The following LRRC39 variants were observed in gnomAD, a reference collection of about 807,000 sequenced individuals.
LRRC39 encodes the protein leucine-rich repeat-containing protein 39.
A neutral mutation model predicts 39.7 loss-of-function variants in LRRC39; 35 were observed. The observed-to-expected ratio is 0.88, with a 90% confidence interval of 0.67 to 1.17. The LOEUF is 1.17. LRRC39 is among the 50% of genes most tolerant of loss of function. The probability of loss-of-function intolerance (pLI) is 0.00; values close to 1 mark genes in which losing one functional copy is unlikely to be tolerated. For missense variants in LRRC39, 357 were observed against 385.8 expected (o/e 0.93, Z 0.62); for synonymous variants, 113 against 134.1 (o/e 0.84, Z 1.09).
chr1:100,163,031 A>T (rs1343660324), intron 3 of LRRC39, among the ~76,000 whole-genome samples: 1 of 152,196 alleles, frequency 6.6e-6, no homozygotes, highest in African/African-American at 2.4e-5. Context: ...TCACTTGCCT[A>T]AAATTTAATC....
chr1:100,152,687 T>C (rs1658142106), intron 8 of LRRC39, among the ~76,000 whole-genome samples, 163 bp from the exon 9 acceptor site: 1 of 152,176 alleles, frequency 6.6e-6, no homozygotes, highest in Non-Finnish European at 1.5e-5. Context: ...AATCTTATGT[T>C]TTTTTCCTAA....
chr1:100,176,770 G>C (rs921909005), intron 1 of LRRC39, among the ~76,000 whole-genome samples: 1 of 152,156 alleles, frequency 6.6e-6, no homozygotes, highest in South Asian at 2.1e-4. Flanking sequence ...AAATTACATA[G>C]TAAAGTCTAT....
At chr1:100,173,960 A>G (rs1043755288) in intron 1 of LRRC39, among the ~76,000 whole-genome samples, 10 of 152,340 alleles carry the variant, frequency 6.6e-5, no homozygotes, top group African/African-American at 2.4e-4. Context: ...AGAGATATAC[A>G]TCATATTCAT....
intron 3 of LRRC39, among the ~76,000 whole-genome samples, chr1:100,161,727 G>C (rs1175153047): frequency 1.3e-5 from 2 of 152,108 alleles, no homozygotes; most frequent in Non-Finnish European, 2.9e-5. Flanking sequence ...GCTCACTGCA[G>C]CTTCAACCTC....
intron 2 of LRRC39, among the ~76,000 whole-genome samples, 159 bp downstream of exon 2, chr1:100,173,172 G>A (rs937426934): frequency 4.0e-5 from 6 of 151,632 alleles, no homozygotes; most frequent in South Asian, 2.1e-4. Flanking sequence ...CCCAAGAGGC[G>A]GAGGTTGCAG....
rs763856137 is a variant in LRRC39 at position 100,155,141 on chromosome 1, ATTGT to A, written c.718_721del (p.Thr240SerfsTer4). The A allele has an allele frequency of 1.2e-5, 19 of 1,610,312 alleles. No individual in the cohort carries two copies. In the African/African-American group the frequency reaches 1.3e-4, roughly 11 times the overall value. On this transcript the variant is annotated frameshift_variant, in exon 8 of 10. Transcript: ENST00000370137. LOFTEE classifies it high-confidence loss of function. ...AGTACCCAGATTTTTCATATTGCTG[ATTGT>A]TTGAGGCAAGCATGTTATTTCATTT...
chr1:100,158,849 G>A (rs1413565661), intron 5 of LRRC39, among the ~76,000 whole-genome samples: 1 of 148,870 alleles, frequency 6.7e-6, no homozygotes, highest in African/African-American at 2.5e-5. Context: ...GTTTATCCGT[G>A]CAATAGGAAA....
intron 1 of LRRC39, among the ~76,000 whole-genome samples, chr1:100,175,711 T>C (rs1659912488): frequency 1.3e-5 from 2 of 152,026 alleles, no homozygotes; most frequent in Admixed American, 6.6e-5. Flanking sequence ...GAAAATACAA[T>C]TGAACAGGAA....
intron 3 of LRRC39, among the ~76,000 whole-genome samples, chr1:100,166,885 C>T (rs1001930181): frequency 4.6e-5 from 7 of 152,118 alleles, no homozygotes; most frequent in African/African-American, 7.2e-5. Flanking sequence ...GTAAGATGTC[C>T]GTTTGCTCTT....
chr1:100,159,292 GA>G lies in LRRC39; in HGVS notation c.342del (p.Arg115GlufsTer20). On this transcript the variant is annotated frameshift_variant, in exon 5 of 10. Coordinates refer to ENST00000370137, the MANE Select transcript of LRRC39 (RefSeq NM_144620.4). LOFTEE classifies it high-confidence loss of function. ...RFQNLIVLDLSRNTISEIPPG... is the reference protein window; with the variant it reads ...RFQNLIVLDLXRNTISEIPPG... ...GGTGGTATCTCTGAAATTGTGTTTC[GA>G]GATAAATCTAACACAATGAGGTTCT... 6.2e-7 allele frequency: 1 copy of G among 1,605,940 alleles called. No homozygotes were observed. The highest frequency in any genetic ancestry group is 8.5e-7 in the Non-Finnish European group (1 of 1,176,352).
At chr1:100,178,822 A>G (rs1015689664), upstream of LRRC39, among the ~76,000 whole-genome samples, 3 of 152,066 alleles carry the variant, frequency 2.0e-5, no homozygotes, top group East Asian at 3.9e-4. Context: ...CACTCTCTCC[A>G]TCCCCCACCC....
chr1:100,158,444 CTT>C, intron 5 of LRRC39, 77 bp from the exon 6 acceptor site: 79 of 1,149,216 alleles, frequency 6.9e-5, no homozygotes, highest in Middle Eastern at 2.7e-4. Flanking sequence ...TACAGCATAA[CTT>C]TTTTTTTTTG....
chr1:100,176,215 T>C lies in LRRC39; in HGVS notation c.-119+1920A>G, dbSNP rs922221837. 3.6e-4 allele frequency among the ~76,000 whole-genome samples: 55 copies of C among 152,132 alleles called. 1 individual carries two copies. Among genetic ancestry groups the C allele is most frequent in the Admixed American group, 4.6e-4 (7 of 15,258 alleles). ...TGGGAGGCTGGTGGATCGCTTGAGG[T>C]CAGGAGTTCAAGACCAGCCTGACCA... is the stretch of plus-strand genomic sequence containing the variant. On this transcript the variant is annotated intron_variant, in intron 1 of 9. Transcript: ENST00000370137.
chr1:100,160,499 T>C lies in LRRC39; in HGVS notation c.186A>G (p.Arg62=). ...LREKVTREDG[R]VILKIEKEEW... ...CCTCTTTTTCTATCTTCAAAATGAC[T>C]CTTCCATCTTCCCTGGTGACCTTTT... The change falls in exon 4 of 10, where the codon AGA becomes AGG. Residue 62 remains arginine, a synonymous_variant. Coordinates refer to ENST00000370137, the MANE Select transcript of LRRC39 (RefSeq NM_144620.4). 5 of 1,614,000 alleles carry C rather than the reference T, an allele frequency of 3.1e-6. No individual in the cohort carries two copies. Among genetic ancestry groups the C allele is most frequent in the Non-Finnish European group, 4.2e-6 (5 of 1,179,932 alleles).
chr1:100,148,469 T>C lies in LRRC39; in HGVS notation c.*573A>G. 6 of 1,083,084 alleles carry C rather than the reference T, an allele frequency of 5.5e-6. No individual in the cohort carries two copies. Among genetic ancestry groups the C allele is most frequent in the Non-Finnish European group, 7.9e-6 (6 of 756,262 alleles). The allele number at this position is 1,083,084 out of a possible 1,614,324, so 67.1% of individuals were successfully genotyped here. On this transcript the variant is annotated 3_prime_UTR_variant, in exon 10 of 10. Coordinates refer to ENST00000370137, the MANE Select transcript of LRRC39 (RefSeq NM_144620.4). The stretch of plus-strand genomic sequence containing the variant: ...AAGCTAAAATATACACATCTTTTAT[T>C]GTGGTCATAAATATAATGTGTCTTG...
intron 3 of LRRC39, among the ~76,000 whole-genome samples, chr1:100,161,716 G>C (rs1458819402): frequency 2.0e-5 from 3 of 152,064 alleles, no homozygotes; most frequent in African/African-American, 7.2e-5. Flanking sequence ...GCACCATCAC[G>C]GCTCACTGCA....
chr1:100,172,045 T>C (rs1659649252), intron 2 of LRRC39, among the ~76,000 whole-genome samples: 1 of 152,058 alleles, frequency 6.6e-6, no homozygotes, highest in Non-Finnish European at 1.5e-5. Context: ...GGGAATATTA[T>C]AGATAAACAC....
chr1:100,148,902 TTAAA>T lies in LRRC39; in HGVS notation c.*136_*139del, dbSNP rs1488428697. 4.5e-6 allele frequency: 5 copies of T among 1,117,176 alleles called. No individual in the cohort carries two copies. Among genetic ancestry groups the T allele is most frequent in the Non-Finnish European group, 3.5e-6 (3 of 848,222 alleles). The allele number at this position is 1,117,176 out of a possible 1,614,324, so 69.2% of individuals were successfully genotyped here. Reference sequence around the variant, plus strand: ...TTTTTATATCAAAAAAATATATACTTTAAATAGCAAATAATATGAACTTTAAAAA... The same window carrying T: ...TTTTTATATCAAAAAAATATATACTTTAGCAAATAATATGAACTTTAAAAA... On this transcript the variant is annotated 3_prime_UTR_variant, in exon 10 of 10. Transcript: ENST00000370137.
At chr1:100,149,710 A>G in intron 9 of LRRC39, 2 of 265,396 alleles carry the variant, frequency 7.5e-6, no homozygotes, top group South Asian at 1.0e-4. Context: ...TATTTAACTC[A>G]TGACTGGTTT....
Sources: allele counts gnomAD v4.1 joint callset (sites outside exome capture counted in the v4.1 genomes callset), GRCh38; gene constraint gnomAD v4.1.1; transcripts MANE v1.5; gene names NCBI Gene and HGNC (gene_info 2026-07-23, HGNC 2026-07-21).